Variants in PTPRH observed in about 807,000 individuals in gnomAD.
PTPRH encodes the protein protein tyrosine phosphatase receptor type H.
A neutral mutation model predicts 130.2 loss-of-function variants in PTPRH; 113 were observed. The ratio of observed to expected loss-of-function variants is 0.87; its 90% CI spans 0.75 to 1.01. The LOEUF is 1.01. Ranked by LOEUF, PTPRH falls within the 50% of genes least tolerant of loss-of-function variation. The pLI, the probability that PTPRH is intolerant of heterozygous loss-of-function variation, is 0.00. For synonymous variants in PTPRH, 556 were observed against 577.9 expected (o/e 0.96, Z 0.54); for missense variants, 1,430 against 1,425.0 (o/e 1.00, Z -0.06).
At chr19:55,185,020 A>C (rs2086278240) in intron 18 of PTPRH, among the ~76,000 whole-genome samples, 1 of 149,076 alleles carries the variant, frequency 6.7e-6, no homozygotes, top group South Asian at 2.1e-4. Context: ...TTTTTTTTTA[A>C]TCGAGACAGA....
chr19:55,197,186 A>G lies in PTPRH; in HGVS notation c.1921T>C (p.Tyr641His), dbSNP rs1185874413. Residue 641 changes from tyrosine (Y) to histidine (H), a missense_variant, in exon 9 of 20, where the codon TAC becomes CAC. Tyr to His is a moderately conservative substitution (Grantham distance 83). Coordinates refer to ENST00000376350, the MANE Select transcript of PTPRH (RefSeq NM_002842.5). ...KVEALEPGTL[Y>H]NFTVWAERND... is the part of the protein sequence containing the mutation. ...CTCTCTGCCCACACGGTGAAATTGT[A>G]CAACGTCCCGGGTTCCAGGGCCTCC... 9 of 1,614,226 alleles carry G rather than the reference A, an allele frequency of 5.6e-6. No individual in the cohort carries two copies. The highest frequency in any genetic ancestry group is 7.6e-6 in the Non-Finnish European group (9 of 1,180,038).
intron 10 of PTPRH, chr19:55,194,389 AAT>A: frequency 8.5e-7 from 1 of 1,177,528 alleles, no homozygotes. Flanking sequence ...GGCCTCACAG[AAT>A]TGGACTAGAG....
rs769189088 is a variant in PTPRH, at chr19:55,202,070, C to A, written c.1139G>T (p.Arg380Leu). Residue 380 changes from arginine to leucine, a missense_variant, in exon 6 of 20, where the codon CGA becomes CTA. Arg to Leu is a moderately radical substitution (Grantham distance 102). Transcript: ENST00000376350. The part of the protein sequence containing the change: ...KNGINSSRET[R>L]NATTAPNPVR... ...CTGCCTCTCACCTGTGGTGGCATTT[C>A]GAGTCTCCCGGGAGCTGTTGATTCC... The A allele has an allele frequency of 1.4e-5, 23 of 1,614,008 alleles. No homozygotes were observed. In the South Asian group the frequency reaches 2.1e-4, roughly 15 times the overall value.
intron 8 of PTPRH, among the ~76,000 whole-genome samples, 193 bp from the exon 9 acceptor site, chr19:55,197,609 C>G (rs2086728381): frequency 6.6e-6 from 1 of 152,148 alleles, no homozygotes; most frequent in South Asian, 2.1e-4. Context: ...CTCTCCGTCC[C>G]CTGGCTACAG....
intron 4 of PTPRH, 99 bp downstream of exon 4, chr19:55,205,227 A>G (rs574005897): frequency 2.6e-6 from 4 of 1,547,866 alleles, no homozygotes; most frequent in East Asian, 2.3e-5. Flanking sequence ...ACCTGGCTCA[A>G]TGTGGCCCAG....
intron 18 of PTPRH, among the ~76,000 whole-genome samples, chr19:55,183,838 G>A (rs916740746): frequency 6.6e-6 from 1 of 152,068 alleles, no homozygotes; most frequent in African/African-American, 2.4e-5. Flanking sequence ...CAGACACCAC[G>A]CCCATTAGGC....
At chr19:55,196,988 C>A in intron 9 of PTPRH, 129 bp downstream of exon 9, 1 of 1,279,392 alleles carries the variant, frequency 7.8e-7, no homozygotes, top group South Asian at 1.5e-5. Flanking sequence ...CCTTGGGCTC[C>A]TCCATCACTG....
rs745658740 is a variant in PTPRH at position 55,200,238 on chromosome 19, G to A, written c.1418C>T (p.Thr473Ile). 2.5e-6 allele frequency: 4 copies of A among 1,614,184 alleles called. No individual in the cohort carries two copies. The highest frequency in any genetic ancestry group is 1.3e-5 in the African/African-American group (1 of 75,052). Residue 473 changes from threonine (T) to isoleucine (I), a missense_variant and splice_region_variant, in exon 7 of 20, where the codon ACA becomes ATA. Thr to Ile is a moderately conservative substitution (Grantham distance 89, BLOSUM62 -1). Coordinates refer to ENST00000376350, the MANE Select transcript of PTPRH (RefSeq NM_002842.5). ...RGSRQNVSIS[T>I]VPNAVTSLSK... ...GAGTGGCCGTTGAGGGTTCCTACCTGTGGAGATGCTGACATTCTGCCTGGA... is the reference window on the plus strand; with the variant it reads ...GAGTGGCCGTTGAGGGTTCCTACCTATGGAGATGCTGACATTCTGCCTGGA...
Position 55,186,357 on chromosome 19 carries a change from A to T in PTPRH, c.2646T>A (p.Gly882=). 1 of 1,613,110 alleles carries T rather than the reference A, an allele frequency of 6.2e-7. No homozygotes were observed. The part of the protein sequence containing the change: ...SDYINASFMP[G]LWSPQEFIAT... The stretch of plus-strand genomic sequence containing the variant: ...CAATGAACTCCTGGGGGCTCCAGAG[A>T]CCCTGGTTGAGGAAGGCAGGCGGGT... Residue 882 remains glycine (G), a splice_region_variant and synonymous_variant, in exon 16 of 20, where the codon GGT becomes GGA. Transcript: ENST00000376350.
At chr19:55,208,925 G>A (rs1449701493) in intron 1 of PTPRH, among the ~76,000 whole-genome samples, 1 of 121,354 alleles carries the variant, frequency 8.2e-6, no homozygotes, top group African/African-American at 3.3e-5. Context: ...TGAGGGAGGA[G>A]GGGCTGGGGT....
Position 55,209,050 on chromosome 19 carries a change from G to A in PTPRH, c.51+333C>T, listed in dbSNP as rs919925368. On this transcript the variant is annotated intron_variant, in intron 1 of 19. Coordinates refer to ENST00000376350, the MANE Select transcript of PTPRH (RefSeq NM_002842.5). The surrounding 1 kb of genome is among the most constrained non-coding windows in gnomAD (Gnocchi z 4.1). ...AGGGAGGAGGGGCTGCTTCCTGTCC[G>A]TGAGCACAGCTGTGTGTTGCCTGAA... is the stretch of plus-strand genomic sequence containing the variant. 2.6e-5 allele frequency among the ~76,000 whole-genome samples: 4 copies of A among 151,872 alleles called. No homozygotes were observed. Among genetic ancestry groups the A allele is most frequent in the Admixed American group, 1.3e-4 (2 of 15,248 alleles).
chr19:55,205,275 C>A lies in PTPRH; in HGVS notation c.619+51G>T, dbSNP rs116117398. 1,602 of 1,608,008 alleles carry A rather than the reference C, an allele frequency of 1.0e-3. 21 individuals carry two copies. The African/African-American group carries it at 0.019, about 19-fold the overall frequency. Reference sequence around the variant, plus strand: ...ATAGAAATCCGCTACGTTCTCCTGCCTACTGCCCCTTAAACAAGTAAGAGC... The same window carrying A: ...ATAGAAATCCGCTACGTTCTCCTGCATACTGCCCCTTAAACAAGTAAGAGC... On this transcript the variant is annotated intron_variant, in intron 4 of 19. Transcript: ENST00000376350.
chr19:55,198,619 G>C, intron 8 of PTPRH, 24 bp downstream of exon 8: 1 of 1,549,612 alleles, frequency 6.5e-7, no homozygotes, highest in African/African-American at 1.4e-5. Context: ...AATAGGGCTG[G>C]GTTCAGAACC....
chr19:55,207,100 G>C, intron 2 of PTPRH, 66 bp downstream of exon 2: 1 of 1,602,968 alleles, frequency 6.2e-7, no homozygotes, highest in Non-Finnish European at 8.5e-7. Context: ...GGACCCCCCA[G>C]AGGCTCACGG....
chr19:55,205,508 T>A lies in PTPRH; in HGVS notation c.437A>T (p.Asp146Val), dbSNP rs199695008. ...AACCCCGTAGGTGGAGTTCTGTGGG[T>A]CTGGGCCGTCGGGGACCTCCCAGGT... ...ALTWEVPDGP[D>V]PQNSTYGVEY... The change falls in exon 4 of 20, where the codon GAC becomes GTC. Residue 146 changes from aspartate (D) to valine (V), a missense_variant. By Grantham distance (152) the Asp-to-Val change is radical (BLOSUM62 -3). Coordinates refer to ENST00000376350, the MANE Select transcript of PTPRH (RefSeq NM_002842.5). 1.0e-4 allele frequency: 169 copies of A among 1,614,222 alleles called. 1 individual carries two copies. In the South Asian group the frequency reaches 1.6e-3, roughly 16 times the overall value.
At chr19:55,192,038 G>A (rs1344503099) in intron 10 of PTPRH, 5 of 528,414 alleles carry the variant, frequency 9.5e-6, no homozygotes, top group South Asian at 8.0e-5. Flanking sequence ...AATAAATAGC[G>A]AGTACATTTT....
chr19:55,205,715 T>C, intron 3 of PTPRH, 123 bp from the exon 4 acceptor site: 5 of 1,417,940 alleles, frequency 3.5e-6, no homozygotes, highest in Non-Finnish European at 4.7e-6. Context: ...CTGTCCAGTG[T>C]GGCAGCCACG....
chr19:55,192,719 T>C lies in PTPRH; in HGVS notation c.2258-978A>G, dbSNP rs139362018. ...GGTGCCCGCCACCACTCCTGGCTAA[T>C]TTTTTGTATTTTTAGTAGAGTTGGG... On this transcript the variant is annotated intron_variant, in intron 10 of 19. Transcript: ENST00000376350. Among the ~76,000 whole-genome samples the C allele has an allele frequency of 4.4e-3, 660 of 151,328 alleles. 5 individuals carry two copies. Among genetic ancestry groups the C allele is most frequent in the African/African-American group, 0.015 (634 of 41,354 alleles).
chr19:55,181,799 G>A lies in PTPRH; in HGVS notation c.3303C>T (p.Ile1101=). ...EVPYEDVENL[I]YENVAAIQAH... is the part of the protein sequence containing the mutation. ...CCTGGATGGCGGCCACGTTCTCGTA[G>A]ATGAGGTTTTCGACATCCTCATACG... is the stretch of plus-strand genomic sequence containing the variant. Residue 1101 remains isoleucine, a synonymous_variant, in exon 20 of 20, where the codon ATC becomes ATT. Transcript: ENST00000376350. 2 of 1,614,212 alleles carry A rather than the reference G, an allele frequency of 1.2e-6. No homozygotes were observed. The highest frequency in any genetic ancestry group is 1.7e-6 in the Non-Finnish European group (2 of 1,180,042).
Sources: gnomAD v4.1 joint callset for allele counts (sites outside exome capture counted in the v4.1 genomes callset) on GRCh38, gnomAD v4.1.1 for gene constraint, Gnocchi (gnomAD v3.1) non-coding constraint, MANE v1.5 for transcripts, NCBI Gene and HGNC (gene_info 2026-07-23, HGNC 2026-07-21) for gene names.